MMP27: variants seen among roughly 807,000 people sequenced by gnomAD.
MMP27 encodes the protein matrix metalloproteinase-27.
A neutral mutation model predicts 48.1 loss-of-function variants in MMP27; 51 were observed. The observed-to-expected ratio is 1.06, with a 90% CI of 0.85 to 1.34. The LOEUF (loss-of-function observed/expected upper bound fraction) is 1.34. MMP27 is among the 40% of genes most tolerant of loss of function. MMP27 has a pLI of 0.00. For missense variants in MMP27, 698 were observed against 619.3 expected (o/e 1.13, Z -1.35); for synonymous variants, 229 against 208.9 (o/e 1.10, Z -0.83).
chr11:102,702,001 C>T (rs1260492851), intron 4 of MMP27, among the ~76,000 whole-genome samples: 1 of 152,158 alleles, frequency 6.6e-6, no homozygotes, highest in Non-Finnish European at 1.5e-5. Flanking sequence ...AATGACAGAA[C>T]AAAAGAATGG....
At chr11:102,697,533 G>T (rs1289818004) in intron 4 of MMP27, among the ~76,000 whole-genome samples, 4 of 151,954 alleles carry the variant, frequency 2.6e-5, no homozygotes, top group Non-Finnish European at 5.9e-5. Context: ...TTGAGGCAGG[G>T]TCTTGCTCTG....
Position 102,705,757 on chromosome 11 carries a change from T to C in MMP27, c.-43A>G, listed in dbSNP as rs766891760. On this transcript the variant is annotated 5_prime_UTR_variant, in exon 1 of 10. Transcript: ENST00000260229. ...TGAAGCCGGTTCTGTTAGCACAGAA[T>C]TTAGAAAATAATAGTGAGACGTGGC... The C allele has an allele frequency of 7.2e-7, 1 of 1,379,642 alleles. No individual in the cohort carries two copies. The highest frequency in any genetic ancestry group is 1.0e-6 in the Non-Finnish European group (1 of 992,508). The allele number at this position is 1,379,642 out of a possible 1,614,324, so 85.5% of individuals were successfully genotyped here. A position where few individuals can be genotyped will look rare whatever the true frequency, so the allele number is the denominator to read the frequency against.
intron 2 of MMP27, 24 bp from the exon 3 acceptor site, chr11:102,703,142 C>A (rs773775584): frequency 7.1e-5 from 114 of 1,602,428 alleles, no homozygotes; most frequent in Non-Finnish European, 6.7e-5. Context: ...AAAAATATGT[C>A]AATTTCTGGC....
chr11:102,703,516 A>G (rs1382194267), intron 2 of MMP27, among the ~76,000 whole-genome samples: 1 of 149,082 alleles, frequency 6.7e-6, no homozygotes, highest in Non-Finnish European at 1.5e-5. Flanking sequence ...TGCATGTACC[A>G]TATATTAAGA....
At chr11:102,696,192 T>A (rs1027120880) in intron 6 of MMP27, among the ~76,000 whole-genome samples, 179 bp downstream of exon 6, 12 of 152,226 alleles carry the variant, frequency 7.9e-5, no homozygotes, top group African/African-American at 2.7e-4. Flanking sequence ...CATTTAAAAA[T>A]TTATCAAACA....
intron 8 of MMP27, among the ~76,000 whole-genome samples, chr11:102,693,405 T>C (rs1247094792): frequency 6.6e-6 from 1 of 152,200 alleles, no homozygotes; most frequent in Non-Finnish European, 1.5e-5. Context: ...TTATCTTTTT[T>C]TTTAAATTGA....
chr11:102,703,185 A>G (rs1284489672), intron 2 of MMP27, 67 bp from the exon 3 acceptor site: 22 of 1,430,266 alleles, frequency 1.5e-5, no homozygotes, highest in Non-Finnish European at 1.0e-5. Flanking sequence ...ACATAACTAC[A>G]AAAAACATTT....
In MMP27 at chr11:102,702,773, T is replaced by G; in HGVS notation, c.599A>C (p.Asn200Thr). ...CTCACCTGCTCCATCCTTGGTCCAG[T>G]TTTCATCCTCATCAAAATGAGTGTC... ...GGDTHFDEDENWTKDGAGFNL... is the reference protein window; with the variant it reads ...GGDTHFDEDETWTKDGAGFNL... Residue 200 changes from asparagine to threonine, a missense_variant, in exon 4 of 10, where the codon AAC (asparagine) becomes ACC (threonine). By Grantham distance (65) the Asn-to-Thr change is moderately conservative. Coordinates refer to ENST00000260229, the MANE Select transcript of MMP27 (RefSeq NM_022122.3). 6.2e-7 allele frequency: 1 copy of G among 1,612,420 alleles called. No homozygotes were observed. The highest frequency in any genetic ancestry group is 8.5e-7 in the Non-Finnish European group (1 of 1,179,566).
chr11:102,696,608 C>G, intron 5 of MMP27, 66 bp downstream of exon 5: 1 of 1,569,168 alleles, frequency 6.4e-7, no homozygotes, highest in Non-Finnish European at 8.6e-7. Flanking sequence ...AAGTGATTTT[C>G]TTAACTTCCT....
In MMP27 at chr11:102,696,852, A is replaced by G; in HGVS notation, c.620-17T>C. On this transcript the variant is annotated splice_polypyrimidine_tract_variant and intron_variant, in intron 4 of 9. Coordinates refer to ENST00000260229, the MANE Select transcript of MMP27 (RefSeq NM_022122.3). ...AGTTGAATCCTTGATAATAACAGGG[A>G]AAACACGAGCACATGACTTAATCAA... 6.2e-7 allele frequency: 1 copy of G among 1,602,612 alleles called. No individual in the cohort carries two copies. The highest frequency in any genetic ancestry group is 8.5e-7 in the Non-Finnish European group (1 of 1,176,372).
chr11:102,698,879 G>A (rs1860883793), intron 4 of MMP27, among the ~76,000 whole-genome samples: 1 of 152,092 alleles, frequency 6.6e-6, no homozygotes, highest in Admixed American at 6.5e-5. Context: ...TAAATGCATG[G>A]CTCCAGCTTC....
intron 6 of MMP27, among the ~76,000 whole-genome samples, chr11:102,695,687 G>A (rs934628649): frequency 1.3e-5 from 2 of 152,166 alleles, no homozygotes; most frequent in Non-Finnish European, 2.9e-5. Context: ...TGGGTGAAAG[G>A]AGTCCAATTT....
chr11:102,700,597 C>G (rs1266138799), intron 4 of MMP27, among the ~76,000 whole-genome samples: 2 of 152,248 alleles, frequency 1.3e-5, no homozygotes, highest in African/African-American at 4.8e-5. Flanking sequence ...AATTACTTGA[C>G]TTGCCCCGGG....
At chr11:102,692,245 C>G (rs1342141119) in intron 9 of MMP27, among the ~76,000 whole-genome samples, 1 of 152,136 alleles carries the variant, frequency 6.6e-6, no homozygotes, top group Non-Finnish European at 1.5e-5. Context: ...ACCTTTCTAG[C>G]CAGACTGTGG....
chr11:102,701,293 T>C lies in MMP27; in HGVS notation c.619+1460A>G, dbSNP rs199671041. On this transcript the variant is annotated intron_variant, in intron 4 of 9. Transcript: ENST00000260229. The stretch of plus-strand genomic sequence containing the variant: ...CTTACCGATGTGGAACCCAGATACA[T>C]CGGACTTAAAAAAAAATAACTTACC... 1.1e-4 allele frequency among the ~76,000 whole-genome samples: 12 copies of C among 110,620 alleles called. No homozygotes were observed. In the East Asian group the frequency reaches 2.7e-3, roughly 25 times the overall value. The allele number at this position is 110,620 out of a possible 152,430, so 72.6% of individuals were successfully genotyped here.
intron 2 of MMP27, among the ~76,000 whole-genome samples, chr11:102,703,686 C>T (rs1054973334): frequency 1.3e-5 from 2 of 152,102 alleles, no homozygotes; most frequent in Non-Finnish European, 2.9e-5. Flanking sequence ...CCAGGCCCAG[C>T]TAATTTTTGT....
intron 2 of MMP27, among the ~76,000 whole-genome samples, chr11:102,704,136 A>G (rs1861000218): frequency 6.6e-6 from 1 of 150,406 alleles, no homozygotes; most frequent in Non-Finnish European, 1.5e-5. Context: ...TCACACACAC[A>G]TGTCTCTGAC....
intron 4 of MMP27, 24 bp from the exon 5 acceptor site, chr11:102,696,859 G>A (rs757267093): frequency 1.6e-5 from 26 of 1,599,430 alleles, no homozygotes; most frequent in South Asian, 8.0e-5. Flanking sequence ...GGGAAAACAC[G>A]AGCACATGAC....
intron 4 of MMP27, among the ~76,000 whole-genome samples, chr11:102,699,243 G>A (rs1383361969): frequency 6.6e-6 from 1 of 152,010 alleles, no homozygotes; most frequent in Non-Finnish European, 1.5e-5. Flanking sequence ...AAGGTGGGTG[G>A]ATATCTTGAG....
Sources: allele counts gnomAD v4.1 joint callset (sites outside exome capture counted in the v4.1 genomes callset), GRCh38; gene constraint gnomAD v4.1.1; transcripts MANE v1.5; gene names NCBI Gene and HGNC (gene_info 2026-07-23, HGNC 2026-07-21).